TXNDC15: variants seen among roughly 807,000 people sequenced by gnomAD.
TXNDC15 encodes thioredoxin domain-containing protein 15.
Under a neutral mutation model 35.0 loss-of-function variants are expected in TXNDC15, and 24 were observed. The ratio of observed to expected loss-of-function variants is 0.68; its 90% CI spans 0.50 to 0.96. The LOEUF (loss-of-function observed/expected upper bound fraction) is 0.96, where lower values mean the gene tolerates loss of function less well. Ranked by LOEUF, TXNDC15 falls within the 40% of genes least tolerant of loss-of-function variation. TXNDC15 has a pLI of 0.00. For missense variants in TXNDC15, 385 were observed against 453.3 expected, an observed-to-expected ratio of 0.85 and a Z score of 1.37; for synonymous variants, 169 against 174.0, an observed-to-expected ratio of 0.97 and a Z score of 0.23.
chr5:134,888,489 A>G (rs1473764217), intron 2 of TXNDC15, among the ~76,000 whole-genome samples: 1 of 152,020 alleles, frequency 6.6e-6, no homozygotes, highest in Non-Finnish European at 1.5e-5. Context: ...AAATCATAGC[A>G]TTTTTCCTTT....
chr5:134,885,619 G>A (rs1379491955), intron 1 of TXNDC15, among the ~76,000 whole-genome samples: 1 of 152,142 alleles, frequency 6.6e-6, no homozygotes, highest in East Asian at 1.9e-4. Context: ...ATTCTGTCTT[G>A]CAAACTATGG....
At chr5:134,889,958 T>A (rs1183159668) in intron 2 of TXNDC15, among the ~76,000 whole-genome samples, 2 of 152,248 alleles carry the variant, frequency 1.3e-5, no homozygotes, top group Non-Finnish European at 2.9e-5. Context: ...GTAATCTTTT[T>A]GCTGGTAGAG....
At position 134,893,534 on chromosome 5, in the gene TXNDC15, C is replaced by G. The variant is rs140308625; in HGVS notation, c.634C>G (p.Leu212Val). 1.9e-6 allele frequency: 3 copies of G among 1,614,092 alleles called. No homozygotes were observed. Among genetic ancestry groups the G allele is most frequent in the African/African-American group, 1.3e-5 (1 of 74,940 alleles). ...GAACCCAAACGGTAGTGACTGTACT[C>G]TAGTCCTGTTTTACACCCCGTGGTG... The part of the protein sequence containing the change: ...FLNPNGSDCT[L>V]VLFYTPWCRF... Residue 212 changes from leucine (L) to valine (V), a missense_variant, in exon 3 of 5, where the codon CTA becomes GTA. Transcript: ENST00000358387.
chr5:134,899,438 T>C (rs1561902714), intron 4 of TXNDC15, 51 bp from the exon 5 acceptor site: 1 of 1,541,088 alleles, frequency 6.5e-7, no homozygotes, highest in Admixed American at 2.0e-5. Flanking sequence ...GAGAAAAATC[T>C]GTGGTGGGTG....
intron 4 of TXNDC15, among the ~76,000 whole-genome samples, chr5:134,899,097 C>T (rs1335514376): frequency 3.3e-5 from 5 of 151,754 alleles, no homozygotes; most frequent in African/African-American, 9.7e-5. Context: ...AAAAGCATTT[C>T]GAATTTAGCA....
At chr5:134,881,838 C>T (rs1186600068) in intron 1 of TXNDC15, among the ~76,000 whole-genome samples, 5 of 151,296 alleles carry the variant, frequency 3.3e-5, no homozygotes, top group African/African-American at 1.2e-4. Context: ...ATCTCCCTCC[C>T]GGACGGGGCG....
In TXNDC15 at chr5:134,899,482, C is replaced by T. The variant is rs745974821; in HGVS notation, c.887-7C>T. ...GCCTGATTTGAAACCAGTGATTTTT[C>T]TTTCAGGTATAGAAGCCAAGAAGAA... On this transcript the variant is annotated splice_polypyrimidine_tract_variant and splice_region_variant and intron_variant, in intron 4 of 4. Transcript: ENST00000358387. The T allele has an allele frequency of 6.2e-7, 1 of 1,602,902 alleles. No individual in the cohort carries two copies. Among genetic ancestry groups the T allele is most frequent in the South Asian group, 1.1e-5 (1 of 88,290 alleles).
At chr5:134,884,634 T>C (rs371996812) in intron 1 of TXNDC15, among the ~76,000 whole-genome samples, 1 of 152,102 alleles carries the variant, frequency 6.6e-6, no homozygotes, top group African/African-American at 2.4e-5. Context: ...TGGCTTGATC[T>C]TGGCTCACTG....
intron 1 of TXNDC15, among the ~76,000 whole-genome samples, chr5:134,879,794 C>CTTT (rs57805546): frequency 0.025 from 3,285 of 132,874 alleles, 160 homozygotes; most frequent in African/African-American, 0.083. Context: ...TCTTACCTGC[C>CTTT]TTTTTTTTTT....
intron 3 of TXNDC15, 107 bp downstream of exon 3, chr5:134,893,762 G>A: frequency 6.9e-7 from 1 of 1,444,998 alleles, no homozygotes; most frequent in Non-Finnish European, 9.5e-7. Context: ...GGCATGAACT[G>A]TGTCCTGGGA....
intron 1 of TXNDC15, among the ~76,000 whole-genome samples, chr5:134,886,880 T>TG (rs1422114941): frequency 6.6e-6 from 1 of 152,254 alleles, no homozygotes; most frequent in African/African-American, 2.4e-5. Flanking sequence ...TGAGCCTCTC[T>TG]GTGCCTTGCC....
intron 1 of TXNDC15, among the ~76,000 whole-genome samples, chr5:134,884,219 CA>C (rs372857992): frequency 0.017 from 1,546 of 89,496 alleles, 20 homozygotes; most frequent in African/African-American, 0.051. Context: ...GACTCAGTTT[CA>C]AAAAAAAAAA....
chr5:134,897,116 T>C (rs1703819918), intron 4 of TXNDC15, among the ~76,000 whole-genome samples: 1 of 151,754 alleles, frequency 6.6e-6, no homozygotes, highest in Non-Finnish European at 1.5e-5. Flanking sequence ...GTATTTTTAG[T>C]AGAGACAGGG....
intron 1 of TXNDC15, among the ~76,000 whole-genome samples, chr5:134,881,148 G>GGA (rs1750134089): frequency 6.8e-6 from 1 of 146,178 alleles, no homozygotes; most frequent in Non-Finnish European, 1.5e-5. Context: ...TTTTTCCTGT[G>GGA]TGTTTCATTT....
At chr5:134,883,059 C>A (rs566837108) in intron 1 of TXNDC15, among the ~76,000 whole-genome samples, 1 of 151,846 alleles carries the variant, frequency 6.6e-6, no homozygotes, top group African/African-American at 2.4e-5. Context: ...GAGGCTGAGG[C>A]GGGCAGATTA....
At chr5:134,895,786 G>A (rs1478532138) in intron 3 of TXNDC15, among the ~76,000 whole-genome samples, 2 of 152,128 alleles carry the variant, frequency 1.3e-5, no homozygotes, top group African/African-American at 4.8e-5. Context: ...AAATAAGCCC[G>A]CACAGTTATA....
At position 134,896,437 on chromosome 5, in the gene TXNDC15, A is replaced by G. The variant is rs767094614; in HGVS notation, c.886+13A>G. ...TTTAATCAGACAGGTATGTGGAAGT[A>G]ATGTGCTGAGGAAGAAGATATTCTA... On this transcript the variant is annotated intron_variant, in intron 4 of 4. Coordinates refer to ENST00000358387, the MANE Select transcript of TXNDC15 (RefSeq NM_024715.4). 1 of 1,612,860 alleles carries G rather than the reference A, an allele frequency of 6.2e-7. No homozygotes were observed. Among genetic ancestry groups the G allele is most frequent in the Non-Finnish European group, 8.5e-7 (1 of 1,179,500 alleles).
rs1469910084 is a variant in TXNDC15, at chr5:134,881,199, A to ATTTATTTATTTT, written c.104-6493_104-6492insATTTATTTTTTT. ...TATTTATTTATTTATTTATTTATTT[A>ATTTATTTATTTT]TTTTTTTATTGATCATTCTTGGGTG... is the stretch of plus-strand genomic sequence containing the variant. On this transcript the variant is annotated intron_variant, in intron 1 of 4. Coordinates refer to ENST00000358387, the MANE Select transcript of TXNDC15 (RefSeq NM_024715.4). 5.6e-3 allele frequency among the ~76,000 whole-genome samples: 739 copies of ATTTATTTATTTT among 132,434 alleles called. 5 individuals are homozygous for ATTTATTTATTTT. The highest frequency in any genetic ancestry group is 0.032 in the East Asian group (148 of 4,560). The allele number at this position is 132,434 out of a possible 152,430, so 86.9% of individuals were successfully genotyped here.
Position 134,899,878 on chromosome 5 carries a change from T to C in TXNDC15, c.*193T>C, listed in dbSNP as rs1177236171. ...TTTAACTAGTATTGCAATAAGCAAA[T>C]GCAAAAATATTCAATAGATGCACTA... On this transcript the variant is annotated 3_prime_UTR_variant, in exon 5 of 5. Coordinates refer to ENST00000358387, the MANE Select transcript of TXNDC15 (RefSeq NM_024715.4). 1 of 506,054 alleles carries C rather than the reference T, an allele frequency of 2.0e-6. No individual in the cohort carries two copies. Among genetic ancestry groups the C allele is most frequent in the African/African-American group, 2.0e-5 (1 of 50,388 alleles). The allele number at this position is 506,054 out of a possible 1,614,324, so 31.3% of individuals were successfully genotyped here.
Sources: allele counts gnomAD v4.1 joint callset (sites outside exome capture counted in the v4.1 genomes callset), GRCh38; gene constraint gnomAD v4.1.1; transcripts MANE v1.5; gene names NCBI Gene and HGNC (gene_info 2026-07-23, HGNC 2026-07-21).